The following SETD2 variants were observed in gnomAD, a reference collection of about 807,000 sequenced individuals.
SETD2 encodes the protein SET domain containing 2, histone lysine methyltransferase.
A neutral mutation model predicts 242.1 loss-of-function variants in SETD2; 31 were observed. That is an observed-to-expected ratio of 0.13 (90% CI 0.10 to 0.17). The LOEUF is 0.17. Among genes scored for constraint, SETD2 ranks in the 10% least tolerant of loss-of-function variants. SETD2 has a pLI of 1.00. For synonymous variants in SETD2, 1,006 were observed against 1,066.5 expected, an observed-to-expected ratio of 0.94 and a Z score of 1.11; for missense variants, 2,481 against 3,046.3, an observed-to-expected ratio of 0.81 and a Z score of 4.37.
chr3:47,107,203 C>T (rs2042461572), intron 5 of SETD2, among the ~76,000 whole-genome samples: 1 of 152,060 alleles, frequency 6.6e-6, no homozygotes, highest in Non-Finnish European at 1.5e-5. Context: ...AAATGGCCTG[C>T]CTGAAAGTCT....
chr3:47,028,555 A>G (rs1166735090), intron 18 of SETD2, among the ~76,000 whole-genome samples: 2 of 152,222 alleles, frequency 1.3e-5, no homozygotes, highest in Admixed American at 6.5e-5. Context: ...AATCAAGGTG[A>G]TCCACAAGTA....
chr3:47,111,112 T>C (rs1333434393), intron 5 of SETD2, among the ~76,000 whole-genome samples: 2 of 54,806 alleles, frequency 3.6e-5, no homozygotes, highest in Admixed American at 1.8e-4. Context: ...AAAAAAAAAA[T>C]CTCAAGAAGG....
chr3:47,046,382 A>G, intron 16 of SETD2, 105 bp downstream of exon 16: 1 of 1,061,164 alleles, frequency 9.4e-7, no homozygotes, highest in Non-Finnish European at 1.3e-6. Context: ...AACACGTGAA[A>G]AAAAAACCCA....
rs2042290116 is a variant in SETD2, at chr3:47,103,428, G to C, written c.4840-5C>G. ...TTTTTGAGTGGCATCTATTATCTGG[G>C]AGAAGAGGATCATTTAAGAATTAAA... On this transcript the variant is annotated splice_region_variant and splice_polypyrimidine_tract_variant and intron_variant, in intron 6 of 20. Transcript: ENST00000409792. 3 of 1,594,182 alleles carry C rather than the reference G, an allele frequency of 1.9e-6. No individual in the cohort carries two copies. The highest frequency in any genetic ancestry group is 2.7e-5 in the African/African-American group (2 of 74,398).
chr3:47,110,873 A>G (rs1289565680), intron 5 of SETD2, among the ~76,000 whole-genome samples: 1 of 152,074 alleles, frequency 6.6e-6, no homozygotes, highest in Non-Finnish European at 1.5e-5. Context: ...CTGGAGCCAT[A>G]TATCCTTTCC....
chr3:47,074,070 C>A (rs893310433), intron 12 of SETD2, among the ~76,000 whole-genome samples: 2 of 152,148 alleles, frequency 1.3e-5, no homozygotes, highest in Admixed American at 1.3e-4. Context: ...AGAAAGCAAT[C>A]AACCTAAATG....
At chr3:47,151,639 C>G (rs548999763) in intron 1 of SETD2, among the ~76,000 whole-genome samples, 85 of 152,032 alleles carry the variant, frequency 5.6e-4, no homozygotes, top group African/African-American at 1.9e-3. Flanking sequence ...ACCAGCCTAG[C>G]CAACATAGTG....
At chr3:47,092,243 T>C (rs1408209319) in intron 9 of SETD2, among the ~76,000 whole-genome samples, 1 of 152,068 alleles carries the variant, frequency 6.6e-6, no homozygotes, top group Non-Finnish European at 1.5e-5. Flanking sequence ...CCAATTCCAG[T>C]GGTGATAATA....
At chr3:47,055,668 G>A (rs1164921426) in intron 15 of SETD2, among the ~76,000 whole-genome samples, 2 of 150,300 alleles carry the variant, frequency 1.3e-5, no homozygotes, top group African/African-American at 2.5e-5. Flanking sequence ...ACTCCAGCCC[G>A]GGTGGCAGAG....
intron 15 of SETD2, among the ~76,000 whole-genome samples, chr3:47,053,738 TC>T (rs1429979867): frequency 2.0e-5 from 3 of 152,170 alleles, no homozygotes; most frequent in Non-Finnish European, 2.9e-5. Context: ...AACACAAACT[TC>T]AAGGCTCCTA....
At chr3:47,071,769 T>C (rs2040830634) in intron 12 of SETD2, among the ~76,000 whole-genome samples, 1 of 152,132 alleles carries the variant, frequency 6.6e-6, no homozygotes, top group Non-Finnish European at 1.5e-5. Flanking sequence ...AATAAACACT[T>C]GAACAAGTTA....
At chr3:47,040,094 T>A (rs1027355289) in intron 17 of SETD2, among the ~76,000 whole-genome samples, 1 of 151,684 alleles carries the variant, frequency 6.6e-6, no homozygotes, top group Non-Finnish European at 1.5e-5. Flanking sequence ...CTCCCGCCTC[T>A]CGGCTTCCCA....
chr3:47,057,634 T>A, intron 14 of SETD2, 144 bp from the exon 15 acceptor site: 1 of 624,628 alleles, frequency 1.6e-6, no homozygotes, highest in Non-Finnish European at 2.8e-6. Flanking sequence ...TACTCAAAAT[T>A]ACTCAGCTTG....
chr3:47,049,968 A>C lies in SETD2; in HGVS notation c.6964-3347T>G, dbSNP rs573879677. On this transcript the variant is annotated intron_variant, in intron 15 of 20. Coordinates refer to ENST00000409792, the MANE Select transcript of SETD2 (RefSeq NM_014159.7). ...AGTTTATATATTTGTACATATATTTATATGTTTTTCTTATATATATAAATT... is the reference window on the plus strand; with the variant it reads ...AGTTTATATATTTGTACATATATTTCTATGTTTTTCTTATATATATAAATT... 8.9e-5 allele frequency among the ~76,000 whole-genome samples: 13 copies of C among 146,670 alleles called. No homozygotes were observed. The East Asian group carries it at 2.6e-3, about 29-fold the overall frequency.
chr3:47,089,379 T>G (rs769212404), intron 9 of SETD2, among the ~76,000 whole-genome samples: 22 of 152,002 alleles, frequency 1.4e-4, no homozygotes, highest in Admixed American at 1.1e-3. Context: ...CCTGGGAAAT[T>G]GAGGCTACAG....
At chr3:47,081,008 A>C in intron 12 of SETD2, 1 of 986,930 alleles carries the variant, frequency 1.0e-6, no homozygotes, top group Non-Finnish European at 1.2e-6. Context: ...TTCAGCACGA[A>C]GTTGGAAATG....
chr3:47,025,191 T>C (rs1575652766), intron 18 of SETD2, among the ~76,000 whole-genome samples: 1 of 152,158 alleles, frequency 6.6e-6, no homozygotes, highest in East Asian at 1.9e-4. Flanking sequence ...CTTTCTTTCA[T>C]TCCCTAGGCT....
intron 1 of SETD2, chr3:47,145,577 C>T: frequency 2.5e-6 from 1 of 395,890 alleles, no homozygotes; most frequent in Non-Finnish European, 5.2e-6. Flanking sequence ...GACTGCAGCC[C>T]CTCACATCAG....
Position 47,123,526 on chromosome 3 carries a change from T to G in SETD2, c.1110A>C (p.Lys370Asn). 6.4e-7 allele frequency: 1 copy of G among 1,550,736 alleles called. No individual in the cohort carries two copies. Among genetic ancestry groups the G allele is most frequent in the Non-Finnish European group, 8.7e-7 (1 of 1,146,988 alleles). Residue 370 changes from lysine (K) to asparagine (N), a missense_variant, in exon 3 of 21, where the codon AAA (lysine) becomes AAC (asparagine). Physicochemically the swap from Lys to Asn is moderately conservative, Grantham distance 94. Around this residue, in one of 17 missense-constraint regions of SETD2, gnomAD observed 38 missense variants for 61.0 expected, o/e 0.62. Transcript: ENST00000409792. ...TAAAATATTTATCATCTCTGTCTGTTTTAGATCGTGAAGGTTTCCCTAGAT... is the reference window on the plus strand; with the variant it reads ...TAAAATATTTATCATCTCTGTCTGTGTTAGATCGTGAAGGTTTCCCTAGAT... Reference protein sequence around the residue: ...SEDLGKPSRSKTDRDDKYFSY... With the variant: ...SEDLGKPSRSNTDRDDKYFSY...
Sources: allele counts gnomAD v4.1 joint callset (sites outside exome capture counted in the v4.1 genomes callset), GRCh38; gene constraint gnomAD v4.1.1; regional missense constraint gnomAD v4.1.1; transcripts MANE v1.5; gene names NCBI Gene and HGNC (gene_info 2026-07-23, HGNC 2026-07-21).